SPEN: variants seen among roughly 807,000 people sequenced by gnomAD.
SPEN encodes msx2-interacting protein.
A neutral mutation model predicts 269.9 loss-of-function variants in SPEN; 18 were observed. The ratio of observed to expected loss-of-function variants is 0.07; its 90% CI spans 0.05 to 0.10. The LOEUF (loss-of-function observed/expected upper bound fraction) is 0.10, where lower values mean the gene tolerates loss of function less well. SPEN is among the 10% of genes least tolerant of loss of function. The probability of loss-of-function intolerance (pLI) is 1.00; values close to 1 mark genes in which losing one functional copy is unlikely to be tolerated. For missense variants in SPEN, 3,822 were observed against 4,631.2 expected, an observed-to-expected ratio of 0.83 and a Z score of 5.07; for synonymous variants, 1,726 against 1,765.7, an observed-to-expected ratio of 0.98 and a Z score of 0.56.
At chr1:15,906,520 G>T (rs1042777455) in intron 3 of SPEN, among the ~76,000 whole-genome samples, 1 of 127,766 alleles carries the variant, frequency 7.8e-6, no homozygotes, top group Non-Finnish European at 1.6e-5. Flanking sequence ...GTGCAGTGGT[G>T]TGATCAGAGT....
intron 8 of SPEN, among the ~76,000 whole-genome samples, chr1:15,919,932 T>G (rs945460545): frequency 6.6e-6 from 1 of 152,174 alleles, no homozygotes; most frequent in Admixed American, 6.5e-5. Context: ...TTTTATGTAA[T>G]ACATCCATAA....
At chr1:15,871,055 G>A (rs1055610411) in intron 1 of SPEN, among the ~76,000 whole-genome samples, 3 of 148,922 alleles carry the variant, frequency 2.0e-5, no homozygotes, top group Admixed American at 1.3e-4. Flanking sequence ...CGTCCTCACC[G>A]CCTCCTGGGT....
intron 3 of SPEN, among the ~76,000 whole-genome samples, chr1:15,909,083 G>A (rs1450015388): frequency 1.3e-5 from 2 of 152,006 alleles, no homozygotes; most frequent in African/African-American, 4.8e-5. Flanking sequence ...TTAATAGAAT[G>A]CAACACTTGC....
At position 15,909,358 on chromosome 1, in the gene SPEN, G is replaced by A. The variant is rs1171646372; in HGVS notation, c.919G>A (p.Ala307Thr). ...SSSSSSDDSP[A>T]RSVQSAAVPA... ...CAGTAGTTCAAGTGATGATTCTCCA[G>A]CTCGATCAGTTCAGTCTGCAGCAGT... Residue 307 changes from alanine to threonine, a missense_variant, in exon 4 of 15, where the codon GCT becomes ACT. Around this residue, in one of 16 missense-constraint regions of SPEN, gnomAD observed 327 missense variants for 350.8 expected, o/e 0.93. Transcript: ENST00000375759. 6.2e-7 allele frequency: 1 copy of A among 1,613,682 alleles called. No individual in the cohort carries two copies. The highest frequency in any genetic ancestry group is 8.5e-7 in the Non-Finnish European group (1 of 1,179,878).
At position 15,938,828 on chromosome 1, in the gene SPEN, C is replaced by G. The variant is rs754640094; in HGVS notation, c.10815C>G (p.Ala3605=). 6.2e-6 allele frequency: 10 copies of G among 1,614,092 alleles called. No individual in the cohort carries two copies. The South Asian group carries it at 1.1e-4, about 18-fold the overall frequency. The part of the protein sequence containing the change: ...LKAAFITYLQ[A]KQAAGIINVP... ...CTGCCTTCATCACTTACCTGCAGGC[C>G]AAGCAGGCGGCAGGGATCATCAACG... Residue 3605 remains alanine (A), a synonymous_variant, in exon 14 of 15, where the codon GCC becomes GCG. Transcript: ENST00000375759.
intron 1 of SPEN, among the ~76,000 whole-genome samples, chr1:15,864,607 G>GTTTT (rs34116041): frequency 1.2e-5 from 1 of 82,612 alleles, no homozygotes; most frequent in Non-Finnish European, 2.2e-5. Flanking sequence ...AGGTTTGTGG[G>GTTTT]TTTTTTTTTT....
rs142538464 is a variant in SPEN, at chr1:15,862,161, T to C, written c.84-10655T>C. 7.2e-4 allele frequency among the ~76,000 whole-genome samples: 109 copies of C among 152,360 alleles called. 1 individual carries two copies. The highest frequency in any genetic ancestry group is 2.5e-3 in the African/African-American group (102 of 41,602). On this transcript the variant is annotated intron_variant, in intron 1 of 14. Coordinates refer to ENST00000375759, the MANE Select transcript of SPEN (RefSeq NM_015001.3). ...ATTTAGTCTCTTGGCTTCTGCTAAC[T>C]TCAGCTTTGTGTTTTGTAGCCTTCG...
chr1:15,937,675 G>C lies in SPEN; in HGVS notation c.10509+30G>C. On this transcript the variant is annotated intron_variant, in intron 12 of 14. Transcript: ENST00000375759. This position sits in a 1 kb window ranked among gnomAD's most constrained non-coding sequence, Gnocchi z 5.7. ...GCATGAGCAGGGGCTGCCCTTCCTGGCCCCCAAGTTTTATGCCATGTCAAA... is the reference window on the plus strand; with the variant it reads ...GCATGAGCAGGGGCTGCCCTTCCTGCCCCCCAAGTTTTATGCCATGTCAAA... The C allele has an allele frequency of 6.2e-7, 1 of 1,607,322 alleles. No individual in the cohort carries two copies. The highest frequency in any genetic ancestry group is 8.5e-7 in the Non-Finnish European group (1 of 1,175,168).
At chr1:15,865,386 G>A (rs144816434) in intron 1 of SPEN, among the ~76,000 whole-genome samples, 1 of 142,580 alleles carries the variant, frequency 7.0e-6, no homozygotes, top group Non-Finnish European at 1.5e-5. Context: ...TTGTGAGTGT[G>A]TTTTAGAAAA....
At chr1:15,925,706 A>G (rs1431296571) in intron 10 of SPEN, among the ~76,000 whole-genome samples, 2 of 151,802 alleles carry the variant, frequency 1.3e-5, no homozygotes, top group Non-Finnish European at 2.9e-5. Flanking sequence ...CTAAGCTACC[A>G]TGCCCAGCTC....
chr1:15,938,217 C>G (rs558515408), intron 13 of SPEN, among the ~76,000 whole-genome samples: 89 of 152,330 alleles, frequency 5.8e-4, no homozygotes, highest in African/African-American at 2.1e-3. Flanking sequence ...CATTCTCTTG[C>G]CTCAGCCTCC....
In SPEN at chr1:15,911,180, A is replaced by G. The variant is rs1304463146; in HGVS notation, c.1122A>G (p.Ser374=). Residue 374 remains serine, a synonymous_variant, in exon 5 of 15, where the codon TCA becomes TCG. Transcript: ENST00000375759. ...CTTCAGTGCAGATACATGGAACTTC[A>G]GAAGAGAGGTATGGTCTGGTATTCT... ...KVTSVQIHGT[S]EERYGLVFFR... 1 of 1,614,188 alleles carries G rather than the reference A, an allele frequency of 6.2e-7. No homozygotes were observed. The highest frequency in any genetic ancestry group is 1.1e-5 in the South Asian group (1 of 91,088).
In SPEN at chr1:15,928,146, G is replaced by A. The variant is rs1191815713; in HGVS notation, c.1906G>A (p.Val636Ile). 1 of 1,614,172 alleles carries A rather than the reference G, an allele frequency of 6.2e-7. No homozygotes were observed. Among genetic ancestry groups the A allele is most frequent in the Non-Finnish European group, 8.5e-7 (1 of 1,180,032 alleles). Residue 636 changes from valine (V) to isoleucine (I), a missense_variant, in exon 11 of 15, where the codon GTT becomes ATT. Coordinates refer to ENST00000375759, the MANE Select transcript of SPEN (RefSeq NM_015001.3). The surrounding 1 kb of genome is among the most constrained non-coding windows in gnomAD (Gnocchi z 5.7). ...CCAAGATCGTACATATTATGAGAGT[G>A]TTCGAACTCCAGGCACTTATCCTGA... is the stretch of plus-strand genomic sequence containing the variant. The part of the protein sequence containing the change: ...YNQDRTYYES[V>I]RTPGTYPEDS...
In SPEN at chr1:15,930,137, C is replaced by T; in HGVS notation, c.3897C>T (p.Asn1299=). The change falls in exon 11 of 15, where the codon AAC becomes AAT. Residue 1299 remains asparagine (N), a synonymous_variant. Coordinates refer to ENST00000375759, the MANE Select transcript of SPEN (RefSeq NM_015001.3). This position sits in a 1 kb window ranked among gnomAD's most constrained non-coding sequence, Gnocchi z 5.3. ...KVDEKVLPYS[N]ITVREESLKF... The stretch of plus-strand genomic sequence containing the variant: ...ATGAAAAAGTCCTCCCCTATTCTAA[C>T]ATAACAGTCAGGGAAGAGTCTTTAA... The T allele has an allele frequency of 6.2e-7, 1 of 1,614,212 alleles. No homozygotes were observed. Among genetic ancestry groups the T allele is most frequent in the African/African-American group, 1.3e-5 (1 of 75,050 alleles).
At chr1:15,863,967 G>T (rs1263491609) in intron 1 of SPEN, among the ~76,000 whole-genome samples, 1 of 152,162 alleles carries the variant, frequency 6.6e-6, no homozygotes, top group African/African-American at 2.4e-5. Context: ...CTTATCAGAT[G>T]TGTAATAAAC....
rs181152108 is a variant in SPEN, at chr1:15,919,120, T to C, written c.1521+69T>C. On this transcript the variant is annotated intron_variant, in intron 7 of 14. Coordinates refer to ENST00000375759, the MANE Select transcript of SPEN (RefSeq NM_015001.3). ...TGTTTTTTAAGACTTGAAGGGTTTT[T>C]TTTTTGCATATGCCTTATTATTTAA... 3.0e-3 allele frequency: 4,267 copies of C among 1,405,398 alleles called. 10 individuals are homozygous for C. The highest frequency in any genetic ancestry group is 4.0e-3 in the Non-Finnish European group (4,084 of 1,024,126). The allele number at this position is 1,405,398 out of a possible 1,614,324, so 87.1% of individuals were successfully genotyped here. A position where few individuals can be genotyped will look rare whatever the true frequency, so the allele number is the denominator to read the frequency against.
intron 3 of SPEN, among the ~76,000 whole-genome samples, chr1:15,898,934 A>G (rs1022264509): frequency 3.3e-5 from 5 of 152,100 alleles, no homozygotes; most frequent in Non-Finnish European, 4.4e-5. Context: ...TGACTCACTC[A>G]TCTGTCGATA....
chr1:15,928,265 T>C lies in SPEN; in HGVS notation c.2025T>C (p.Asp675=). ...QGDYYESRYY[D]DPREYRDYRN... ...ACTACTATGAATCACGATACTACGA[T>C]GATCCTCGGGAATACAGGGATTACA... The change falls in exon 11 of 15, where the codon GAT becomes GAC. Residue 675 remains aspartate, a synonymous_variant. Transcript: ENST00000375759. The surrounding 1 kb of genome is among the most constrained non-coding windows in gnomAD (Gnocchi z 5.7). 1.9e-6 allele frequency: 3 copies of C among 1,614,198 alleles called. No homozygotes were observed. Among genetic ancestry groups the C allele is most frequent in the South Asian group, 2.2e-5 (2 of 91,076 alleles).
chr1:15,935,129 C>A lies in SPEN; in HGVS notation c.8889C>A (p.Pro2963=), dbSNP rs151181793. The A allele has an allele frequency of 6.2e-7, 1 of 1,614,042 alleles. No homozygotes were observed. The highest frequency in any genetic ancestry group is 8.5e-7 in the Non-Finnish European group (1 of 1,179,988). The change falls in exon 11 of 15, where the codon CCC becomes CCA. Residue 2963 remains proline (P), a synonymous_variant. Coordinates refer to ENST00000375759, the MANE Select transcript of SPEN (RefSeq NM_015001.3). This position sits in a 1 kb window ranked among gnomAD's most constrained non-coding sequence, Gnocchi z 7.7. ...IVTTNKKLAD[P]VTLKIETKVL... ...CCACAAACAAGAAGCTTGCTGACCC[C>A]GTCACCCTTAAAATCGAGACCAAGG...
Sources: gnomAD v4.1 joint callset for allele counts (sites outside exome capture counted in the v4.1 genomes callset) on GRCh38, gnomAD v4.1.1 for gene constraint, gnomAD v4.1.1 regional missense constraint, Gnocchi (gnomAD v3.1) non-coding constraint, MANE v1.5 for transcripts, NCBI Gene and HGNC (gene_info 2026-07-23, HGNC 2026-07-21) for gene names.